DNAH3: variants seen among roughly 807,000 people sequenced by gnomAD.
DNAH3 encodes the protein axonemal beta dynein heavy chain 3.
In DNAH3, 332 loss-of-function variants were observed where a neutral mutation model predicts 432.5. That is an observed-to-expected ratio of 0.77 (90% CI 0.70 to 0.84). The LOEUF (loss-of-function observed/expected upper bound fraction) is 0.84, where lower values mean the gene tolerates loss of function less well. Ranked by LOEUF, DNAH3 falls within the 40% of genes least tolerant of loss-of-function variation. DNAH3 has a pLI of 0.00. For missense variants in DNAH3, 4,861 were observed against 5,114.0 expected, an observed-to-expected ratio of 0.95 and a Z score of 1.51; for synonymous variants, 1,956 against 1,900.2, an observed-to-expected ratio of 1.03 and a Z score of -0.76.
At position 20,975,681 on chromosome 16, in the gene DNAH3, C is replaced by T. The variant is rs891657475; in HGVS notation, c.8077-266G>A. 2.7e-4 allele frequency among the ~76,000 whole-genome samples: 41 copies of T among 152,104 alleles called. 1 individual carries two copies. The highest frequency in any genetic ancestry group is 1.4e-4 in the African/African-American group (6 of 41,416). ...GTAAACTAAAATCTTTTTTAAAAAC[C>T]GTTTCCTCCCTCACTGAGTCTATAT... On this transcript the variant is annotated intron_variant, in intron 50 of 61. Transcript: ENST00000261383.
chr16:21,064,416 A>C (rs2090469215), intron 24 of DNAH3, among the ~76,000 whole-genome samples: 1 of 152,204 alleles, frequency 6.6e-6, no homozygotes, highest in African/African-American at 2.4e-5. Flanking sequence ...CTGCCAACCT[A>C]GAGAATTCTG....
chr16:21,111,925 C>T (rs1270886647), intron 13 of DNAH3, 68 bp downstream of exon 13: 6 of 1,545,872 alleles, frequency 3.9e-6, no homozygotes, highest in African/African-American at 1.4e-5. Flanking sequence ...CAAAGAGACA[C>T]TAACTGCTCA....
chr16:21,105,840 A>C (rs1053419622), intron 15 of DNAH3, among the ~76,000 whole-genome samples: 1 of 152,194 alleles, frequency 6.6e-6, no homozygotes, highest in South Asian at 2.1e-4. Context: ...TGCATTTGGA[A>C]GTGACTTTTC....
exon 23 of DNAH3, chr16:21,069,471 C>T (rs1325128631): frequency 1.2e-6 from 2 of 1,614,176 alleles, no homozygotes; most frequent in South Asian, 1.1e-5. Flanking sequence ...TTCCTCCCCT[C>T]TTCTGGCATC....
chr16:20,977,367 ACT>A lies in DNAH3; in HGVS notation c.8077-1954_8077-1953del, dbSNP rs144100970. On this transcript the variant is annotated intron_variant, in intron 50 of 61. Coordinates refer to ENST00000261383, the Ensembl canonical transcript of DNAH3. ...ACTCCAGCCTGGGTGATGGAATGAGACTCTGTCAAAACAAAAACAAAAACAAA... is the reference window on the plus strand; with the variant it reads ...ACTCCAGCCTGGGTGATGGAATGAGACTGTCAAAACAAAAACAAAAACAAA... Among the ~76,000 whole-genome samples, 753 of 152,228 alleles carry A rather than the reference ACT, an allele frequency of 4.9e-3. 18 individuals are homozygous for A. In the East Asian group the frequency reaches 0.069, roughly 14 times the overall value.
At chr16:21,082,776 C>T (rs959188596) in intron 19 of DNAH3, among the ~76,000 whole-genome samples, 3 of 151,082 alleles carry the variant, frequency 2.0e-5, no homozygotes, top group Non-Finnish European at 2.9e-5. Context: ...AGGAATCAGC[C>T]GAGATCGCAC....
At chr16:21,024,680 C>T in exon 39 of DNAH3, 1 of 1,613,776 alleles carries the variant, frequency 6.2e-7, no homozygotes, top group Non-Finnish European at 8.5e-7. Context: ...GTTGATGGGG[C>T]TCCATGTAGA....
chr16:21,135,793 C>G (rs1185559383), intron 6 of DNAH3, among the ~76,000 whole-genome samples: 1 of 150,816 alleles, frequency 6.6e-6, no homozygotes, highest in African/African-American at 2.4e-5. Flanking sequence ...AATCCCAGCA[C>G]TTTGGGAGGC....
In DNAH3 at chr16:21,127,887, G is replaced by T. The variant is rs1252585098; in HGVS notation, c.1083-75C>A. 6 of 1,554,912 alleles carry T rather than the reference G, an allele frequency of 3.9e-6. No individual in the cohort carries two copies. The East Asian group carries it at 1.1e-4, about 29-fold the overall frequency. On this transcript the variant is annotated intron_variant, in intron 7 of 61. Coordinates refer to ENST00000261383, the Ensembl canonical transcript of DNAH3. The stretch of plus-strand genomic sequence containing the variant: ...AAATCCCGCAGGACAGGTTCCAAGG[G>T]TGTGTGTTCACGTTTCTCAATGAAA...
exon 36 of DNAH3, chr16:21,034,027 C>A (rs746917328): frequency 3.1e-6 from 5 of 1,613,670 alleles, no homozygotes; most frequent in Non-Finnish European, 4.2e-6. Flanking sequence ...AGAGGTCTTG[C>A]CGCCCATGGG....
chr16:21,024,271 A>G (rs1176438631), intron 39 of DNAH3, among the ~76,000 whole-genome samples: 1 of 152,158 alleles, frequency 6.6e-6, no homozygotes, highest in Non-Finnish European at 1.5e-5. Flanking sequence ...CATTTCTGTT[A>G]GTGGGGCAAT....
chr16:21,038,491 T>C (rs1320808138), intron 33 of DNAH3, among the ~76,000 whole-genome samples: 4 of 152,112 alleles, frequency 2.6e-5, no homozygotes, highest in African/African-American at 9.7e-5. Context: ...ACACTCCACT[T>C]TGGATTTTCA....
chr16:21,083,600 T>C (rs1207893011), intron 19 of DNAH3, among the ~76,000 whole-genome samples: 2 of 152,210 alleles, frequency 1.3e-5, no homozygotes, highest in Non-Finnish European at 2.9e-5. Flanking sequence ...CTCTAACTTT[T>C]TCTACCTACG....
chr16:20,963,581 G>A lies in DNAH3; in HGVS notation c.10303C>T (p.Leu3435=), dbSNP rs767592950. 5 of 1,614,018 alleles carry A rather than the reference G, an allele frequency of 3.1e-6. No homozygotes were observed. In the South Asian group the frequency reaches 4.4e-5, roughly 14 times the overall value. The change falls in exon 53 of 62, where the codon CTG becomes TTG. Residue 3435 remains leucine, a synonymous_variant. Coordinates refer to ENST00000261383, the Ensembl canonical transcript of DNAH3. ...AGGTTCTGTTCCAAATGCTCCATCA[G>A]GCCATGCAGTTTGGGTAAGGCAGAT...
chr16:21,106,536 A>G (rs2152800728), exon 15 of DNAH3: 1 of 1,612,132 alleles, frequency 6.2e-7, no homozygotes, highest in South Asian at 1.1e-5. Context: ...GTTCACTTGC[A>G]TCTCTAAGTT....
At chr16:21,031,139 G>A (rs2088848903) in exon 37 of DNAH3, 1 of 1,614,176 alleles carries the variant, frequency 6.2e-7, no homozygotes, top group South Asian at 1.1e-5. Flanking sequence ...ATCAGAGAGT[G>A]AAGACGCTTG....
chr16:20,973,011 G>A (rs1318191896), intron 51 of DNAH3, among the ~76,000 whole-genome samples: 2 of 152,126 alleles, frequency 1.3e-5, no homozygotes, highest in African/African-American at 4.8e-5. Flanking sequence ...TTACAGGCGT[G>A]AGCCACCTCG....
At chr16:21,119,374 A>G (rs1008393660) in intron 11 of DNAH3, among the ~76,000 whole-genome samples, 2 of 152,054 alleles carry the variant, frequency 1.3e-5, no homozygotes, top group Non-Finnish European at 2.9e-5. Flanking sequence ...GCTCATACCT[A>G]TAATCCCCAC....
At chr16:21,083,802 G>A (rs60066134) in intron 19 of DNAH3, among the ~76,000 whole-genome samples, 9,368 of 152,108 alleles carry the variant, frequency 0.062, 626 homozygotes, top group African/African-American at 0.16. Flanking sequence ...TCCCCAGGGC[G>A]GCCTGTGGTG....
Sources: gnomAD v4.1 joint callset for allele counts (sites outside exome capture counted in the v4.1 genomes callset) on GRCh38, gnomAD v4.1.1 for gene constraint, MANE v1.5 for transcripts, NCBI Gene and HGNC (gene_info 2026-07-23, HGNC 2026-07-21) for gene names.